EDA: variants seen among roughly 807,000 people sequenced by gnomAD.
The protein encoded by EDA is ectodysplasin A.
In EDA, 2 loss-of-function variants were observed where a neutral mutation model predicts 23.6. That is an observed-to-expected ratio of 0.08 (90% CI 0.03 to 0.27). The LOEUF (loss-of-function observed/expected upper bound fraction) is 0.27, where lower values mean the gene tolerates loss of function less well. EDA is among the 10% of genes least tolerant of loss of function. The pLI, the probability that EDA is intolerant of heterozygous loss-of-function variation, is 1.00. For missense variants in EDA, 229 were observed against 324.2 expected, an observed-to-expected ratio of 0.71 and a Z score of 2.26; for synonymous variants, 131 against 132.0, an observed-to-expected ratio of 0.99 and a Z score of 0.05.
At chrX:70,006,183 G>T (rs970603845) in intron 2 of EDA, among the ~76,000 whole-genome samples, 1 of 112,163 alleles carries the variant, frequency 8.9e-6, no homozygotes, top group Non-Finnish European at 1.9e-5. Flanking sequence ...ATAAACATTG[G>T]TATGAAGGTT....
intron 1 of EDA, among the ~76,000 whole-genome samples, chrX:69,776,076 T>C (rs1028556159): frequency 5.4e-5 from 6 of 111,979 alleles, no homozygotes; most frequent in Non-Finnish European, 1.1e-4. Flanking sequence ...TAATTTCTTA[T>C]AATGTATTAA....
chrX:69,848,085 A>G (rs1461340166), intron 1 of EDA, among the ~76,000 whole-genome samples: 2 of 111,921 alleles, frequency 1.8e-5, no homozygotes, highest in African/African-American at 3.2e-5. Context: ...ACATTTTCCT[A>G]ATGGCTAATT....
chrX:69,919,002 A>AT (rs2018386891), intron 1 of EDA, among the ~76,000 whole-genome samples: 1 of 110,730 alleles, frequency 9.0e-6, no homozygotes, highest in Non-Finnish European at 1.9e-5. Context: ...AAAAAAAAAA[A>AT]CTCTTGGGTG....
intron 2 of EDA, among the ~76,000 whole-genome samples, chrX:69,990,872 A>G (rs1602590334): frequency 9.2e-6 from 1 of 109,141 alleles, no homozygotes; most frequent in African/African-American, 3.3e-5. Flanking sequence ...CTGGGTCCCA[A>G]TGGTCAGTCC....
intron 1 of EDA, among the ~76,000 whole-genome samples, chrX:69,889,125 GT>G (rs1253584757): frequency 2.0e-5 from 2 of 100,225 alleles, no homozygotes; most frequent in Non-Finnish European, 4.0e-5. Flanking sequence ...TTTCTGGTTT[GT>G]TTTTTACTTT....
At chrX:69,975,787 A>C (rs2019309687) in intron 2 of EDA, among the ~76,000 whole-genome samples, 1 of 112,153 alleles carries the variant, frequency 8.9e-6, no homozygotes, top group African/African-American at 3.2e-5. Flanking sequence ...TATTGATTAC[A>C]TGCTGAAATT....
intron 1 of EDA, among the ~76,000 whole-genome samples, chrX:69,664,251 G>A (rs1267582360): frequency 9.0e-6 from 1 of 111,624 alleles, no homozygotes; most frequent in Non-Finnish European, 1.9e-5. Flanking sequence ...TAATTCCCAC[G>A]TGTCATGGGA....
At chrX:69,741,086 TATC>T (rs2013444161) in intron 1 of EDA, among the ~76,000 whole-genome samples, 1 of 110,352 alleles carries the variant, frequency 9.1e-6, no homozygotes, top group Non-Finnish European at 1.9e-5. Context: ...GCGGCATTGT[TATC>T]ATAGCTTCCT....
chrX:69,771,991 G>A (rs1217390441), intron 1 of EDA, among the ~76,000 whole-genome samples: 1 of 112,028 alleles, frequency 8.9e-6, no homozygotes, highest in Non-Finnish European at 1.9e-5. Context: ...GTCTTGATCT[G>A]TTGCCCAGGC....
At chrX:69,988,295 G>T (rs758092117) in intron 2 of EDA, among the ~76,000 whole-genome samples, 2 of 111,133 alleles carry the variant, frequency 1.8e-5, no homozygotes, top group Admixed American at 9.5e-5. Flanking sequence ...ATGGTTAATG[G>T]GTACAAAAAA....
chrX:69,885,810 C>T (rs1232573677), intron 1 of EDA, among the ~76,000 whole-genome samples: 1 of 112,116 alleles, frequency 8.9e-6, no homozygotes, highest in East Asian at 2.8e-4. Context: ...GCTACAGCCC[C>T]ATCTAGCTTT....
intron 1 of EDA, among the ~76,000 whole-genome samples, chrX:69,827,404 T>C (rs1443419756): frequency 2.7e-5 from 3 of 111,739 alleles, no homozygotes; most frequent in Non-Finnish European, 5.6e-5. Flanking sequence ...CGTTTCTTTT[T>C]ATTCTTTTTT....
intron 1 of EDA, among the ~76,000 whole-genome samples, chrX:69,929,590 T>C (rs751465626): frequency 8.1e-4 from 89 of 110,366 alleles, no homozygotes; most frequent in Non-Finnish European, 1.5e-3. Context: ...CTTCCACTCC[T>C]ACACATAGAA....
intron 1 of EDA, among the ~76,000 whole-genome samples, chrX:69,617,923 TA>T (rs370312004): frequency 0.069 from 6,666 of 96,345 alleles, 493 homozygotes; most frequent in African/African-American, 0.22. Context: ...GACTGATACT[TA>T]AAAAAAAAAA....
chrX:69,879,179 G>A (rs2017700970), intron 1 of EDA, among the ~76,000 whole-genome samples: 1 of 109,472 alleles, frequency 9.1e-6, no homozygotes, highest in East Asian at 2.9e-4. Flanking sequence ...GCTTAGTTCC[G>A]TTCTCGAAGT....
chrX:69,632,206 C>T (rs1324277215), intron 1 of EDA, among the ~76,000 whole-genome samples: 2 of 111,397 alleles, frequency 1.8e-5, no homozygotes, highest in East Asian at 2.8e-4. Context: ...TACTTACTAC[C>T]CCAGTAAAAT....
chrX:69,677,186 C>A (rs1380745906), intron 1 of EDA, among the ~76,000 whole-genome samples: 5 of 103,716 alleles, frequency 4.8e-5, no homozygotes, highest in Non-Finnish European at 9.9e-5. Flanking sequence ...GCATAGTATT[C>A]CATGGTGTAT....
At chrX:69,706,396 G>A (rs900692922) in intron 1 of EDA, among the ~76,000 whole-genome samples, 1 of 111,900 alleles carries the variant, frequency 8.9e-6, no homozygotes, top group Non-Finnish European at 1.9e-5. Context: ...TAAATTTAGA[G>A]TACTATCGAT....
intron 2 of EDA, among the ~76,000 whole-genome samples, chrX:69,966,573 CA>C (rs751957411): frequency 0.14 from 6,180 of 43,960 alleles, 566 homozygotes; most frequent in African/African-American, 0.37. Flanking sequence ...GACTCCATCT[CA>C]AAAAAAAAAA....
Sources: allele counts gnomAD v4.1 joint callset (sites outside exome capture counted in the v4.1 genomes callset), GRCh38; gene constraint gnomAD v4.1.1; transcripts MANE v1.5; gene names NCBI Gene and HGNC (gene_info 2026-07-23, HGNC 2026-07-21).